The following SNTG2 variants were observed in gnomAD, a reference collection of about 807,000 sequenced individuals.
SNTG2 encodes gamma-2-syntrophin.
SNTG2 carries 74 observed loss-of-function variants against 70.9 expected under a neutral mutation model. That is an observed-to-expected ratio of 1.04 (90% CI 0.86 to 1.27). SNTG2 has a LOEUF of 1.27. SNTG2 is among the 50% of genes most tolerant of loss of function. The pLI is 0.00. For synonymous variants in SNTG2, 278 were observed against 273.8 expected, an observed-to-expected ratio of 1.02 and a Z score of -0.15; for missense variants, 717 against 690.7, an observed-to-expected ratio of 1.04 and a Z score of -0.43.
At chr2:1,356,500 A>G (rs779196080) in intron 16 of SNTG2, among the ~76,000 whole-genome samples, 11 of 152,174 alleles carry the variant, frequency 7.2e-5, no homozygotes, top group Non-Finnish European at 1.2e-4. Flanking sequence ...CAATGTAGGT[A>G]TAAGTATATT....
intron 4 of SNTG2, among the ~76,000 whole-genome samples, chr2:1,128,955 T>G (rs1195642517): frequency 2.0e-5 from 3 of 152,164 alleles, no homozygotes; most frequent in African/African-American, 7.2e-5. Flanking sequence ...GATTAGGAAA[T>G]GATTACTCAT....
chr2:1,093,018 A>G (rs755563172), intron 2 of SNTG2, among the ~76,000 whole-genome samples: 7 of 152,346 alleles, frequency 4.6e-5, no homozygotes, highest in Non-Finnish European at 1.0e-4. Context: ...TGCAACCTCC[A>G]TTCTGTAGAA....
At chr2:1,218,773 G>C (rs182991021) in intron 9 of SNTG2, among the ~76,000 whole-genome samples, 20 of 152,330 alleles carry the variant, frequency 1.3e-4, no homozygotes, top group Non-Finnish European at 2.4e-4. Context: ...TTCTAATCCT[G>C]CTTCACCCTC....
intron 1 of SNTG2, among the ~76,000 whole-genome samples, chr2:977,151 GT>G (rs1660932372): frequency 6.6e-6 from 1 of 152,182 alleles, no homozygotes; most frequent in African/African-American, 2.4e-5. Flanking sequence ...GGGAGAGCCT[GT>G]TCCTATCACT....
chr2:1,132,455 G>A (rs1009190775), intron 4 of SNTG2, among the ~76,000 whole-genome samples: 1 of 152,086 alleles, frequency 6.6e-6, no homozygotes, highest in African/African-American at 2.4e-5. Flanking sequence ...TCGACACCAC[G>A]CAGACTACTT....
At chr2:1,064,684 T>C (rs1663040885) in intron 1 of SNTG2, among the ~76,000 whole-genome samples, 1 of 152,176 alleles carries the variant, frequency 6.6e-6, no homozygotes, top group Non-Finnish European at 1.5e-5. Flanking sequence ...CTACATGTTT[T>C]AGAAAAAACA....
At chr2:1,095,854 A>G (rs1011106162) in intron 2 of SNTG2, among the ~76,000 whole-genome samples, 6 of 152,202 alleles carry the variant, frequency 3.9e-5, no homozygotes, top group Non-Finnish European at 7.3e-5. Flanking sequence ...GACGTAGATA[A>G]TTCAATTTTC....
At chr2:1,059,633 A>G (rs1393977459) in intron 1 of SNTG2, among the ~76,000 whole-genome samples, 1 of 152,194 alleles carries the variant, frequency 6.6e-6, no homozygotes, top group Non-Finnish European at 1.5e-5. Context: ...ATTTTGAAGT[A>G]TAAGGAAAAC....
At chr2:1,064,828 A>G (rs1001736543) in intron 1 of SNTG2, among the ~76,000 whole-genome samples, 2 of 152,200 alleles carry the variant, frequency 1.3e-5, no homozygotes, top group Non-Finnish European at 2.9e-5. Flanking sequence ...CCAGATCAAA[A>G]CTTACCTCAC....
At chr2:1,313,421 C>A (rs549415755) in intron 15 of SNTG2, among the ~76,000 whole-genome samples, 1 of 152,226 alleles carries the variant, frequency 6.6e-6, no homozygotes, top group South Asian at 2.1e-4. Flanking sequence ...ATGTGACTGA[C>A]TGCCCAACAG....
intron 11 of SNTG2, among the ~76,000 whole-genome samples, chr2:1,243,464 C>T (rs964214840): frequency 6.6e-6 from 1 of 152,132 alleles, no homozygotes; most frequent in African/African-American, 2.4e-5. Flanking sequence ...AAGTTCTCCT[C>T]CAAAAAGAAG....
chr2:1,318,049 A>G (rs181610919), intron 16 of SNTG2, among the ~76,000 whole-genome samples: 7 of 152,198 alleles, frequency 4.6e-5, no homozygotes, highest in Non-Finnish European at 1.0e-4. Context: ...ATGGAGAACA[A>G]ACTTCTTTGT....
intron 12 of SNTG2, among the ~76,000 whole-genome samples, chr2:1,258,014 A>G (rs1678219603): frequency 6.6e-6 from 1 of 152,176 alleles, no homozygotes; most frequent in African/African-American, 2.4e-5. Flanking sequence ...TAACTGGGAA[A>G]GATAAAAATG....
intron 1 of SNTG2, among the ~76,000 whole-genome samples, chr2:1,039,877 T>C (rs1661335538): frequency 1.3e-5 from 2 of 152,114 alleles, no homozygotes; most frequent in African/African-American, 4.8e-5. Flanking sequence ...TCTCCATCTT[T>C]CTGCAGACAG....
chr2:1,328,186 C>A, intron 16 of SNTG2, among the ~76,000 whole-genome samples: 1 of 152,118 alleles, frequency 6.6e-6, no homozygotes, highest in East Asian at 1.9e-4. Context: ...GCACCTCCCA[C>A]CAGGCCCCAC....
intron 4 of SNTG2, among the ~76,000 whole-genome samples, chr2:1,123,541 G>T (rs7588028): frequency 1.3e-5 from 2 of 151,962 alleles, no homozygotes; most frequent in Non-Finnish European, 2.9e-5. Flanking sequence ...GTCTTACACC[G>T]TATAGGAAAC....
chr2:1,204,818 CA>C (rs1673526035), intron 8 of SNTG2, among the ~76,000 whole-genome samples: 2 of 152,134 alleles, frequency 1.3e-5, no homozygotes, highest in Admixed American at 6.6e-5. Context: ...TGGTACTACG[CA>C]CAGTTTTCAG....
intron 13 of SNTG2, among the ~76,000 whole-genome samples, chr2:1,261,313 TATC>T (rs1380001102): frequency 6.6e-6 from 1 of 152,182 alleles, no homozygotes; most frequent in East Asian, 1.9e-4. Flanking sequence ...AATATGTGAG[TATC>T]ATAAGAACTA....
intron 1 of SNTG2, among the ~76,000 whole-genome samples, chr2:966,009 G>A (rs984486394): frequency 7.2e-5 from 11 of 152,168 alleles, no homozygotes; most frequent in Admixed American, 4.6e-4. Context: ...CTTCGGTCCT[G>A]TGTGTCGGAC....
Sources: gnomAD v4.1 joint callset for allele counts (sites outside exome capture counted in the v4.1 genomes callset) on GRCh38, gnomAD v4.1.1 for gene constraint, MANE v1.5 for transcripts, NCBI Gene and HGNC (gene_info 2026-07-23, HGNC 2026-07-21) for gene names.